Variants in NDST4 observed in about 807,000 individuals in gnomAD.
NDST4 encodes the protein N-heparan sulfate sulfotransferase 4.
A neutral mutation model predicts 100.8 loss-of-function variants in NDST4; 63 were observed. That is an observed-to-expected ratio of 0.62 (90% CI 0.51 to 0.77). The LOEUF (loss-of-function observed/expected upper bound fraction) is 0.77. Among genes scored for constraint, NDST4 ranks in the 30% least tolerant of loss-of-function variants. The pLI, the probability that NDST4 is intolerant of heterozygous loss-of-function variation, is 0.00. For synonymous variants in NDST4, 377 were observed against 361.8 expected, an observed-to-expected ratio of 1.04 and a Z score of -0.48; for missense variants, 943 against 1,018.4, an observed-to-expected ratio of 0.93 and a Z score of 1.01.
intron 7 of NDST4, among the ~76,000 whole-genome samples, chr4:114,864,197 C>T (rs1258307667): frequency 6.6e-6 from 1 of 152,156 alleles, no homozygotes; most frequent in African/African-American, 2.4e-5. Flanking sequence ...TTCTAGATAA[C>T]TAGGACATTT....
chr4:114,989,763 G>A (rs1196114601), intron 2 of NDST4, among the ~76,000 whole-genome samples: 1 of 152,110 alleles, frequency 6.6e-6, no homozygotes, highest in Non-Finnish European at 1.5e-5. Flanking sequence ...GTCAGATTTG[G>A]GACGTAGTTT....
chr4:114,979,699 G>T (rs986416032), intron 2 of NDST4, among the ~76,000 whole-genome samples: 1 of 151,798 alleles, frequency 6.6e-6, no homozygotes, highest in Non-Finnish European at 1.5e-5. Context: ...GAGAGGCAAA[G>T]GCAGATGGGG....
chr4:114,984,278 A>C (rs901882150), intron 2 of NDST4, among the ~76,000 whole-genome samples: 10 of 151,972 alleles, frequency 6.6e-5, no homozygotes, highest in African/African-American at 2.4e-4. Flanking sequence ...TCCCAAGTTC[A>C]ACTGATTCTC....
intron 6 of NDST4, among the ~76,000 whole-genome samples, chr4:114,882,921 A>T (rs560510056): frequency 1.3e-5 from 2 of 152,222 alleles, no homozygotes; most frequent in Admixed American, 6.6e-5. Flanking sequence ...AAACCATGCA[A>T]GCAAGAAGAG....
chr4:114,993,227 T>C (rs1007967357), intron 2 of NDST4, among the ~76,000 whole-genome samples: 9 of 151,914 alleles, frequency 5.9e-5, no homozygotes, highest in African/African-American at 1.7e-4. Context: ...TTTGGGAATA[T>C]AGAAATGACA....
chr4:115,100,496 C>G (rs1729708687), intron 1 of NDST4, among the ~76,000 whole-genome samples: 1 of 152,036 alleles, frequency 6.6e-6, no homozygotes, highest in South Asian at 2.1e-4. Flanking sequence ...AAAGAGCAAG[C>G]TGTTTCATGA....
intron 2 of NDST4, among the ~76,000 whole-genome samples, chr4:115,042,057 T>C (rs1314184788): frequency 3.9e-5 from 6 of 152,160 alleles, no homozygotes; most frequent in African/African-American, 1.4e-4. Flanking sequence ...ACCCTTAATA[T>C]GGTTTCATTT....
chr4:115,093,658 A>G (rs1205211471), intron 1 of NDST4, among the ~76,000 whole-genome samples: 5 of 152,132 alleles, frequency 3.3e-5, no homozygotes, highest in African/African-American at 1.2e-4. Flanking sequence ...TAAAAATCAC[A>G]TGGAGCATAT....
chr4:115,035,697 C>T (rs985942197), intron 2 of NDST4, among the ~76,000 whole-genome samples: 4 of 151,836 alleles, frequency 2.6e-5, no homozygotes, highest in African/African-American at 7.3e-5. Flanking sequence ...TATATGTGTA[C>T]CTATATGACT....
chr4:115,053,441 G>C lies in NDST4; in HGVS notation c.978+22618C>G, dbSNP rs1018452553. Among the ~76,000 whole-genome samples, 5 of 152,086 alleles carry C rather than the reference G, an allele frequency of 3.3e-5. No individual in the cohort carries two copies. The East Asian group carries it at 9.7e-4, about 29-fold the overall frequency. ...AAATCTCTTCATCTAGTTTATATAA[G>C]TTCATATAAAGTATATACTCCTGCA... is the stretch of plus-strand genomic sequence containing the variant. On this transcript the variant is annotated intron_variant, in intron 2 of 13. Coordinates refer to ENST00000264363, the MANE Select transcript of NDST4 (RefSeq NM_022569.3).
At chr4:114,981,810 T>C (rs915662839) in intron 2 of NDST4, among the ~76,000 whole-genome samples, 53 of 152,326 alleles carry the variant, frequency 3.5e-4, no homozygotes, top group African/African-American at 1.3e-3. Context: ...CATGTGCATA[T>C]TCACATTTTG....
At chr4:114,836,759 A>G (rs916499676) in intron 11 of NDST4, among the ~76,000 whole-genome samples, 16 of 152,092 alleles carry the variant, frequency 1.1e-4, no homozygotes, top group African/African-American at 3.9e-4. Flanking sequence ...ACACCAATCA[A>G]TTGTAGCTTT....
chr4:115,087,633 T>C (rs1729434781), intron 1 of NDST4, among the ~76,000 whole-genome samples: 1 of 151,910 alleles, frequency 6.6e-6, no homozygotes, highest in African/African-American at 2.4e-5. Flanking sequence ...CGATTTCCTA[T>C]CTTGATTTTT....
chr4:114,977,103 A>AATCT, intron 3 of NDST4, 84 bp downstream of exon 3: 1 of 820,868 alleles, frequency 1.2e-6, no homozygotes, highest in East Asian at 2.8e-5. Flanking sequence ...CAATCTGGAG[A>AATCT]ATCTATCTCT....
Position 115,109,785 on chromosome 4 carries a change from C to A in NDST4, c.-247+3659G>T, listed in dbSNP as rs1038301792. On this transcript the variant is annotated intron_variant, in intron 1 of 13. Coordinates refer to ENST00000264363, the MANE Select transcript of NDST4 (RefSeq NM_022569.3). ...TATGTAAATGACCTCAAAGGGTCAC[C>A]TGAAAACCATTATTTAGCCTGTCAT... 3.8e-4 allele frequency among the ~76,000 whole-genome samples: 57 copies of A among 151,724 alleles called. 1 individual carries two copies. The Admixed American group carries it at 3.8e-3, about 10-fold the overall frequency.
intron 3 of NDST4, among the ~76,000 whole-genome samples, chr4:114,976,915 A>G (rs1181040730): frequency 6.6e-6 from 1 of 151,928 alleles, no homozygotes; most frequent in African/African-American, 2.4e-5. Flanking sequence ...GCTGAGAAAC[A>G]AGATGCACAG....
intron 4 of NDST4, among the ~76,000 whole-genome samples, chr4:114,949,081 A>G (rs1000008111): frequency 6.6e-6 from 1 of 152,072 alleles, no homozygotes; most frequent in Non-Finnish European, 1.5e-5. Flanking sequence ...TAATAATTAG[A>G]AACAAGGGTG....
At chr4:115,021,365 CATTCCATATATAT>C (rs1356633176) in intron 2 of NDST4, among the ~76,000 whole-genome samples, 2 of 141,402 alleles carry the variant, frequency 1.4e-5, no homozygotes, top group African/African-American at 3.0e-5. Context: ...TCCATATATA[CATTCCATATATAT>C]ATTCCATATA....
intron 1 of NDST4, among the ~76,000 whole-genome samples, chr4:115,080,536 T>C (rs973541738): frequency 1.8e-4 from 27 of 152,270 alleles, no homozygotes; most frequent in African/African-American, 5.5e-4. Flanking sequence ...TAAAAAGAAA[T>C]GGAATACAGC....
Sources: gnomAD v4.1 joint callset for allele counts (sites outside exome capture counted in the v4.1 genomes callset) on GRCh38, gnomAD v4.1.1 for gene constraint, MANE v1.5 for transcripts, NCBI Gene and HGNC (gene_info 2026-07-23, HGNC 2026-07-21) for gene names.